The following DAB1 variants were observed in gnomAD, a reference collection of about 807,000 sequenced individuals.
DAB1 encodes the protein disabled homolog 1.
In DAB1, 15 loss-of-function variants were observed where a neutral mutation model predicts 64.6. The ratio of observed to expected loss-of-function variants is 0.23; its 90% CI spans 0.16 to 0.36. The LOEUF (loss-of-function observed/expected upper bound fraction) is 0.36, where lower values mean the gene tolerates loss of function less well. Ranked by LOEUF, DAB1 falls within the 10% of genes least tolerant of loss-of-function variation. The pLI is 1.00. For synonymous variants in DAB1, 235 were observed against 251.9 expected (o/e 0.93, Z 0.64); for missense variants, 596 against 706.7 (o/e 0.84, Z 1.78).
intron 8 of DAB1, among the ~76,000 whole-genome samples, chr1:57,063,796 T>C (rs1169800391): frequency 6.6e-6 from 1 of 152,376 alleles, no homozygotes; most frequent in East Asian, 1.9e-4. Context: ...CATCTTATGA[T>C]ACTAACGATA....
Position 56,995,009 on chromosome 1 carries a change from G to A in DAB1, c.*3135C>T, listed in dbSNP as rs538449704. On this transcript the variant is annotated 3_prime_UTR_variant, in exon 15 of 15. Transcript: ENST00000371236. ...ATCTTTATTAAAAAAATATGTGTCA[G>A]AACGCAGAAATTGAAATGAACCAAA... 3 of 152,260 alleles carry A rather than the reference G, an allele frequency of 2.0e-5. No individual in the cohort carries two copies. The highest frequency in any genetic ancestry group is 1.9e-4 in the East Asian group (1 of 5,178). 9.4% of individuals were successfully genotyped at this position (152,260 alleles called of 1,614,324 possible). A position where few individuals can be genotyped will look rare whatever the true frequency, so the allele number is the denominator to read the frequency against.
chr1:57,520,886 G>GA (rs1423467801), intron 7 of DAB1, among the ~76,000 whole-genome samples: 4 of 151,420 alleles, frequency 2.6e-5, no homozygotes, highest in Non-Finnish European at 4.4e-5. Context: ...CATCCAACAG[G>GA]AAAAAAAAGA....
At chr1:57,514,502 A>T (rs1011832382) in intron 7 of DAB1, among the ~76,000 whole-genome samples, 1 of 152,214 alleles carries the variant, frequency 6.6e-6, no homozygotes, top group African/African-American at 2.4e-5. Context: ...AAGCTTCATG[A>T]AATCAGTGAC....
chr1:58,138,107 C>G (rs540195573), intron 5 of DAB1, among the ~76,000 whole-genome samples: 12 of 152,274 alleles, frequency 7.9e-5, no homozygotes, highest in Non-Finnish European at 1.2e-4. Context: ...TATCCACTCA[C>G]AAGTATTTGT....
chr1:57,122,148 T>C (rs1280534482), intron 4 of DAB1, among the ~76,000 whole-genome samples: 1 of 152,150 alleles, frequency 6.6e-6, no homozygotes. Context: ...CATGTGTGAA[T>C]TTGAAGAGAG....
At chr1:58,176,979 TAA>T (rs772711760) in intron 4 of DAB1, among the ~76,000 whole-genome samples, 10 of 106,452 alleles carry the variant, frequency 9.4e-5, no homozygotes, top group Non-Finnish European at 1.2e-4. Context: ...ACTGTCTCAA[TAA>T]AAAAAAAAAA....
At chr1:57,696,903 G>A (rs1453267033) in intron 6 of DAB1, among the ~76,000 whole-genome samples, 2 of 151,898 alleles carry the variant, frequency 1.3e-5, no homozygotes, top group African/African-American at 4.8e-5. Context: ...CTCTTCTTTT[G>A]AGACACTTTA....
intron 4 of DAB1, among the ~76,000 whole-genome samples, chr1:58,277,415 G>A (rs796141664): frequency 8.5e-5 from 13 of 152,218 alleles, no homozygotes; most frequent in African/African-American, 2.9e-4. Context: ...AATATCATCC[G>A]TGCTAAAGGA....
intron 2 of DAB1, among the ~76,000 whole-genome samples, chr1:57,225,307 C>A (rs2100403440): frequency 6.6e-6 from 1 of 152,308 alleles, no homozygotes; most frequent in Non-Finnish European, 1.5e-5. Flanking sequence ...TCTTGTAGAA[C>A]TAAATCCTTA....
intron 7 of DAB1, among the ~76,000 whole-genome samples, chr1:57,590,372 T>A (rs971604640): frequency 1.3e-5 from 2 of 152,052 alleles, no homozygotes; most frequent in East Asian, 1.9e-4. Flanking sequence ...CAGGTTGGAG[T>A]GCAGTGGTGC....
intron 6 of DAB1, among the ~76,000 whole-genome samples, chr1:57,728,278 T>C (rs1165202222): frequency 6.6e-6 from 1 of 152,132 alleles, no homozygotes; most frequent in Non-Finnish European, 1.5e-5. Context: ...AAATACAATA[T>C]TGGACATGAA....
At chr1:58,543,876 A>G (rs1302667280) in intron 1 of DAB1, among the ~76,000 whole-genome samples, 1 of 152,242 alleles carries the variant, frequency 6.6e-6, no homozygotes, top group African/African-American at 2.4e-5. Flanking sequence ...GCACTGTCCA[A>G]TAAGGTAGCC....
At position 57,015,279 on chromosome 1, in the gene DAB1, T is replaced by G. The variant is rs1646390007; in HGVS notation, c.1048A>C (p.Thr350Pro). Residue 350 changes from threonine (T) to proline (P), a missense_variant, in exon 12 of 15, where the codon ACT becomes CCT. Thr to Pro is a conservative substitution (Grantham distance 38). Around this residue, in one of 3 missense-constraint regions of DAB1, gnomAD observed 377 missense variants for 400.4 expected, o/e 0.94. Transcript: ENST00000371236. ...GCCACAGTTGGCCAGGGCTGCTGAG[T>G]GGCAGGAAAGAGACCCGGCTGGCCC... is the stretch of plus-strand genomic sequence containing the variant. ...AWGQPGLFPA[T>P]QQPWPTVAGQ... The G allele has an allele frequency of 1.2e-6, 2 of 1,613,872 alleles. No individual in the cohort carries two copies. The highest frequency in any genetic ancestry group is 1.7e-6 in the Non-Finnish European group (2 of 1,179,972).
At chr1:58,264,740 A>G (rs933596828) in intron 4 of DAB1, among the ~76,000 whole-genome samples, 1 of 152,214 alleles carries the variant, frequency 6.6e-6, no homozygotes, top group African/African-American at 2.4e-5. Flanking sequence ...GTGAGAACTA[A>G]TCACGTGGCA....
chr1:57,387,246 G>A (rs1681943598), intron 1 of DAB1: 1 of 152,110 alleles, frequency 6.6e-6, no homozygotes, highest in Non-Finnish European at 1.5e-5. Context: ...AAGATGATGT[G>A]TACAGAGCCA....
intron 4 of DAB1, among the ~76,000 whole-genome samples, chr1:57,133,872 C>T (rs1657842397): frequency 6.6e-6 from 1 of 152,106 alleles, no homozygotes; most frequent in African/African-American, 2.4e-5. Context: ...CATTTAGAAC[C>T]CATGCTGAAC....
chr1:57,542,388 T>C (rs1307198016), intron 7 of DAB1, among the ~76,000 whole-genome samples: 3 of 150,214 alleles, frequency 2.0e-5, no homozygotes, highest in Non-Finnish European at 4.4e-5. Context: ...GGTCAAGATG[T>C]GAGGAAAGGA....
chr1:57,030,178 A>G (rs1002453430), intron 9 of DAB1, among the ~76,000 whole-genome samples: 6 of 152,156 alleles, frequency 3.9e-5, no homozygotes, highest in African/African-American at 1.4e-4. Flanking sequence ...TGATGGGTTT[A>G]TCAGTGGTTT....
chr1:57,768,652 T>A (rs2101827481), intron 6 of DAB1, among the ~76,000 whole-genome samples: 1 of 151,628 alleles, frequency 6.6e-6, no homozygotes, highest in East Asian at 1.9e-4. Context: ...GTGAGTTTGA[T>A]ATACAGGCAT....
Sources: allele counts gnomAD v4.1 joint callset (sites outside exome capture counted in the v4.1 genomes callset), GRCh38; gene constraint gnomAD v4.1.1; regional missense constraint gnomAD v4.1.1; transcripts MANE v1.5; gene names NCBI Gene and HGNC (gene_info 2026-07-23, HGNC 2026-07-21).